Variants in PTPRD observed in about 807,000 individuals in gnomAD.
PTPRD encodes protein tyrosine phosphatase receptor type D.
Under a neutral mutation model 214.5 loss-of-function variants are expected in PTPRD, and 34 were observed. The observed-to-expected ratio is 0.16, with a 90% CI of 0.12 to 0.21. PTPRD has a LOEUF of 0.21. PTPRD is among the 10% of genes least tolerant of loss of function. The pLI is 1.00. For missense variants in PTPRD, 2,545 were observed against 2,398.7 expected, an observed-to-expected ratio of 1.06 and a Z score of -1.27; for synonymous variants, 1,128 against 845.7, an observed-to-expected ratio of 1.33 and a Z score of -5.79.
intron 8 of PTPRD, among the ~76,000 whole-genome samples, chr9:9,570,127 T>C (rs1049191724): frequency 1.3e-4 from 19 of 151,556 alleles, no homozygotes; most frequent in Non-Finnish European, 2.1e-4. Flanking sequence ...AAAGTATTTG[T>C]GCATGCAGTG....
Position 8,545,843 on chromosome 9 carries a change from G to T in PTPRD, c.353-17064C>A, listed in dbSNP as rs138520468. 5.2e-3 allele frequency among the ~76,000 whole-genome samples: 794 copies of T among 152,182 alleles called. 3 individuals carry two copies. Among genetic ancestry groups the T allele is most frequent in the African/African-American group, 0.018 (738 of 41,502 alleles). ...TGAATTATTATAGACATACTTTATG[G>T]TATAAATTGGTCATTCCTTAATTTC... On this transcript the variant is annotated intron_variant, in intron 14 of 45. Coordinates refer to ENST00000381196, the MANE Select transcript of PTPRD (RefSeq NM_002839.4).
chr9:9,035,519 A>G lies in PTPRD; in HGVS notation c.-142-16784T>C, dbSNP rs2099618759. On this transcript the variant is annotated intron_variant, in intron 10 of 45. Coordinates refer to ENST00000381196, the MANE Select transcript of PTPRD (RefSeq NM_002839.4). Reference sequence around the variant, plus strand: ...ATCAGCTTGCGCCATGCTCCAAGTTATAAACCTCCCTCCCGTCATAGGGTG... The same window carrying G: ...ATCAGCTTGCGCCATGCTCCAAGTTGTAAACCTCCCTCCCGTCATAGGGTG... Among the ~76,000 whole-genome samples, 3 of 152,024 alleles carry G rather than the reference A, an allele frequency of 2.0e-5. No homozygotes were observed. In the South Asian group the frequency reaches 6.2e-4, roughly 32 times the overall value.
At chr9:8,452,665 G>A (rs953950800) in intron 33 of PTPRD, among the ~76,000 whole-genome samples, 5 of 152,078 alleles carry the variant, frequency 3.3e-5, no homozygotes, top group African/African-American at 1.2e-4. Flanking sequence ...TCTACTATGT[G>A]GAGGAGTTAT....
intron 36 of PTPRD, among the ~76,000 whole-genome samples, chr9:8,398,110 T>C (rs910475318): frequency 6.6e-6 from 1 of 152,208 alleles, no homozygotes; most frequent in Non-Finnish European, 1.5e-5. Flanking sequence ...AAATTTTGTC[T>C]GCACTTAAAA....
intron 4 of PTPRD, among the ~76,000 whole-genome samples, chr9:9,981,420 T>C (rs1422433776): frequency 6.7e-6 from 1 of 149,876 alleles, no homozygotes; most frequent in East Asian, 2.0e-4. Flanking sequence ...AGTGGCACGA[T>C]CTCGGCTCAG....
intron 5 of PTPRD, among the ~76,000 whole-genome samples, chr9:9,860,368 G>A (rs2062460404): frequency 6.6e-6 from 1 of 152,202 alleles, no homozygotes; most frequent in Admixed American, 6.5e-5. Flanking sequence ...TTTCTTTCTT[G>A]AAGAAATGTT....
chr9:9,268,548 A>T (rs1421565616), intron 9 of PTPRD, among the ~76,000 whole-genome samples: 1 of 151,284 alleles, frequency 6.6e-6, no homozygotes, highest in Non-Finnish European at 1.5e-5. Flanking sequence ...AAGGATTCCC[A>T]ATAGCTGAAG....
chr9:10,096,180 A>T (rs1019871794), intron 3 of PTPRD, among the ~76,000 whole-genome samples: 1 of 151,680 alleles, frequency 6.6e-6, no homozygotes, highest in Admixed American at 6.6e-5. Flanking sequence ...ACGGTACACT[A>T]CTAGAATTGG....
chr9:10,030,828 G>A (rs549102412), intron 4 of PTPRD, among the ~76,000 whole-genome samples: 2 of 152,220 alleles, frequency 1.3e-5, no homozygotes, highest in African/African-American at 4.8e-5. Context: ...CTTCACCTTC[G>A]GACTCTATGG....
At chr9:8,347,360 T>C (rs937936743) in intron 39 of PTPRD, among the ~76,000 whole-genome samples, 1 of 152,144 alleles carries the variant, frequency 6.6e-6, no homozygotes, top group Non-Finnish European at 1.5e-5. Context: ...TCGCCTACTA[T>C]TCCACAAACA....
At chr9:10,053,060 T>C (rs369827141) in intron 3 of PTPRD, among the ~76,000 whole-genome samples, 1 of 152,170 alleles carries the variant, frequency 6.6e-6, no homozygotes, top group East Asian at 1.9e-4. Flanking sequence ...TATTAATACA[T>C]TTTCTCATGA....
chr9:9,658,019 G>A (rs746986249), intron 7 of PTPRD, among the ~76,000 whole-genome samples: 79 of 152,138 alleles, frequency 5.2e-4, no homozygotes, highest in Non-Finnish European at 1.0e-3. Context: ...TGTGAATTTC[G>A]CTAAAATATT....
At chr9:9,167,329 T>C (rs2099906230) in intron 10 of PTPRD, among the ~76,000 whole-genome samples, 1 of 66,908 alleles carries the variant, frequency 1.5e-5, no homozygotes, top group African/African-American at 6.3e-5. Flanking sequence ...ATATGGGGTT[T>C]GTGTGTGTGT....
intron 2 of PTPRD, among the ~76,000 whole-genome samples, chr9:10,453,260 C>T (rs2098861460): frequency 6.6e-6 from 1 of 151,280 alleles, no homozygotes; most frequent in Admixed American, 6.6e-5. Context: ...GTGATGTCTC[C>T]AGCTATTTGT....
chr9:8,792,697 G>A (rs552183640), intron 11 of PTPRD, among the ~76,000 whole-genome samples: 1 of 152,202 alleles, frequency 6.6e-6, no homozygotes, highest in South Asian at 2.1e-4. Context: ...CATTTTGTGA[G>A]CAATTAAATT....
chr9:10,414,414 C>A (rs1404776981), intron 2 of PTPRD, among the ~76,000 whole-genome samples: 1 of 151,766 alleles, frequency 6.6e-6, no homozygotes, highest in African/African-American at 2.4e-5. Flanking sequence ...GTCAGAATTG[C>A]TATTATTAAA....
intron 39 of PTPRD, among the ~76,000 whole-genome samples, chr9:8,353,890 A>ATGTATATATGTATATATG (rs1564201229): frequency 1.8e-4 from 19 of 108,120 alleles, no homozygotes; most frequent in African/African-American, 9.2e-4. Context: ...ATGTGTATAT[A>ATGTATATATGTATATATG]TGTATATATG....
At chr9:8,810,285 T>G (rs887356420) in intron 11 of PTPRD, among the ~76,000 whole-genome samples, 3 of 152,200 alleles carry the variant, frequency 2.0e-5, no homozygotes, top group Admixed American at 6.5e-5. Flanking sequence ...ATAAACAACA[T>G]GCCCATTTCC....
intron 5 of PTPRD, among the ~76,000 whole-genome samples, chr9:9,889,921 C>T (rs911139214): frequency 3.9e-5 from 6 of 151,932 alleles, no homozygotes; most frequent in Non-Finnish European, 7.4e-5. Flanking sequence ...CCTGTAGGCA[C>T]TTTCCTGAAG....
Sources: gnomAD v4.1 joint callset for allele counts (sites outside exome capture counted in the v4.1 genomes callset) on GRCh38, gnomAD v4.1.1 for gene constraint, MANE v1.5 for transcripts, NCBI Gene and HGNC (gene_info 2026-07-23, HGNC 2026-07-21) for gene names.